Variants in TNXB observed in about 807,000 individuals in gnomAD.
TNXB encodes tenascin-X.
A neutral mutation model predicts 340.5 loss-of-function variants in TNXB; 183 were observed. The observed-to-expected ratio is 0.54, with a 90% CI of 0.48 to 0.61. The LOEUF (loss-of-function observed/expected upper bound fraction) is 0.61. Among genes scored for constraint, TNXB ranks in the 20% least tolerant of loss-of-function variants. The pLI, the probability that TNXB is intolerant of heterozygous loss-of-function variation, is 0.00. For synonymous variants in TNXB, 2,121 were observed against 2,314.5 expected (o/e 0.92, Z 2.40); for missense variants, 4,613 against 5,446.4 (o/e 0.85, Z 4.82).
At chr6:32,098,680 A>G (rs1780557653) in intron 1 of TNXB, among the ~76,000 whole-genome samples, 2 of 152,008 alleles carry the variant, frequency 1.3e-5, no homozygotes, top group African/African-American at 4.8e-5. Context: ...GGGTTTCTCC[A>G]TGTCGGTCAG....
At chr6:32,094,095 CAAAAAAAAAAA>C (rs9281649) in intron 4 of TNXB, among the ~76,000 whole-genome samples, 17 of 28,954 alleles carry the variant, frequency 5.9e-4, no homozygotes, top group South Asian at 4.9e-3. Flanking sequence ...CTCTCTGTCT[CAAAAAAAAAAA>C]AAAAAAAAAA....
chr6:32,055,607 G>A (rs778132150), intron 24 of TNXB, among the ~76,000 whole-genome samples: 4 of 152,230 alleles, frequency 2.6e-5, no homozygotes, highest in South Asian at 4.1e-4. Context: ...TTCCTTTGTC[G>A]TGAAGAACTT....
In TNXB at chr6:32,070,179, A is replaced by G; in HGVS notation, c.5226T>C (p.Tyr1742=). The G allele has an allele frequency of 6.2e-7, 1 of 1,609,520 alleles. No individual in the cohort carries two copies. Residue 1742 remains tyrosine (Y), a synonymous_variant, in exon 14 of 44, where the codon TAT becomes TAC. Coordinates refer to ENST00000644971, the MANE Select transcript of TNXB (RefSeq NM_001365276.2). This position sits in a 1 kb window ranked among gnomAD's most constrained non-coding sequence, Gnocchi z 6.0. ...DAGRKYRFLL[Y]GLLGKKRHGP... Reference sequence around the variant, plus strand: ...CATGGCGCTTCTTGCCCAGGAGGCCATAGAGGAGGAATCTGTACTTGCGGC... The same window carrying G: ...CATGGCGCTTCTTGCCCAGGAGGCCGTAGAGGAGGAATCTGTACTTGCGGC...
chr6:32,106,086 G>A (rs1280030825), intron 1 of TNXB, among the ~76,000 whole-genome samples: 1 of 134,820 alleles, frequency 7.4e-6, no homozygotes, highest in African/African-American at 2.7e-5. Flanking sequence ...AGTGCTCCAA[G>A]TCAGAAGTGT....
Position 32,075,178 on chromosome 6 carries a change from G to A in TNXB, c.4376-1226C>T, listed in dbSNP as rs1779016646. ...ACATTCTCTCAGGTCATCGCCTTCT[G>A]CCCTCACCCCCCTTTAGTCTGTTGG... is the stretch of plus-strand genomic sequence containing the variant. On this transcript the variant is annotated intron_variant, in intron 11 of 43. Transcript: ENST00000644971. This position sits in a 1 kb window ranked among gnomAD's most constrained non-coding sequence, Gnocchi z 4.6. 3.3e-5 allele frequency among the ~76,000 whole-genome samples: 5 copies of A among 152,266 alleles called. No homozygotes were observed. The South Asian group carries it at 1.0e-3, about 32-fold the overall frequency.
At position 32,082,199 on chromosome 6, in the gene TNXB, G is replaced by T. The variant is rs926404527; in HGVS notation, c.3573C>A (p.Val1191=). The T allele has an allele frequency of 4.6e-5, 74 of 1,612,360 alleles. No individual in the cohort carries two copies. Among genetic ancestry groups the T allele is most frequent in the Non-Finnish European group, 6.1e-5 (72 of 1,179,588 alleles). ...GCCGTCCATCCCTGTCCCTGTACTG[G>T]ACCATGAAGGTGTCAAACTGGCCCT... ...VPEGQFDTFM[V]QYRDRDGRPQ... is the part of the protein sequence containing the mutation. The change falls in exon 9 of 44, where the codon GTC becomes GTA. Residue 1191 remains valine, a synonymous_variant. Coordinates refer to ENST00000644971, the MANE Select transcript of TNXB (RefSeq NM_001365276.2). The surrounding 1 kb of genome is among the most constrained non-coding windows in gnomAD (Gnocchi z 5.0).
Position 32,097,666 on chromosome 6 carries a change from T to G in TNXB, c.403+130A>C, listed in dbSNP as rs914402382. The G allele has an allele frequency of 1.7e-6, 2 of 1,204,304 alleles. No individual in the cohort carries two copies. Among genetic ancestry groups the G allele is most frequent in the Non-Finnish European group, 2.3e-6 (2 of 888,264 alleles). 74.6% of individuals were successfully genotyped at this position (1,204,304 alleles called of 1,614,324 possible). A position where few individuals can be genotyped will look rare whatever the true frequency, so the allele number is the denominator to read the frequency against. ...CCCAGCTCTGCTCTCCAAGTTGTGT[T>G]CTGGGCTGCATCCACACCCCTCATG... On this transcript the variant is annotated intron_variant, in intron 2 of 43. Coordinates refer to ENST00000644971, the MANE Select transcript of TNXB (RefSeq NM_001365276.2). The surrounding 1 kb of genome is among the most constrained non-coding windows in gnomAD (Gnocchi z 5.9).
chr6:32,065,152 C>A, intron 18 of TNXB, 35 bp from the exon 19 acceptor site: 1 of 1,501,966 alleles, frequency 6.7e-7, no homozygotes, highest in Non-Finnish European at 8.9e-7. Flanking sequence ...TTTTCTCTTG[C>A]TGCAAGGAGG....
rs1396153989 is a variant in TNXB at position 32,085,876 on chromosome 6, G to A, written c.3022C>T (p.Leu1008=). ...PEGPGAHEEV[L]PGDVRQALVP... ...AGAGCCTGGCGGACGTCCCCTGGCA[G>A]CACTTCCTCATGTGCCCCCGGCCCC... The change falls in exon 7 of 44, where the codon CTG becomes TTG. Residue 1008 remains leucine, a synonymous_variant. Transcript: ENST00000644971. The surrounding 1 kb of genome is among the most constrained non-coding windows in gnomAD (Gnocchi z 6.4). 6.2e-7 allele frequency: 1 copy of A among 1,608,556 alleles called. No individual in the cohort carries two copies. Among genetic ancestry groups the A allele is most frequent in the East Asian group, 2.2e-5 (1 of 44,894 alleles).
chr6:32,074,749 C>T lies in TNXB; in HGVS notation c.4376-797G>A, dbSNP rs1357293194. 1.3e-5 allele frequency among the ~76,000 whole-genome samples: 2 copies of T among 152,148 alleles called. No homozygotes were observed. The highest frequency in any genetic ancestry group is 4.8e-5 in the African/African-American group (2 of 41,422). ...AGGCTGGTGTGCGATGGCGCCCTCT[C>T]GGCTCACCGCAACCTACGCCTCCTG... On this transcript the variant is annotated intron_variant, in intron 11 of 43. Coordinates refer to ENST00000644971, the MANE Select transcript of TNXB (RefSeq NM_001365276.2). The surrounding 1 kb of genome is among the most constrained non-coding windows in gnomAD (Gnocchi z 5.5).
In TNXB at chr6:32,056,698, G is replaced by A. The variant is rs777770266; in HGVS notation, c.8031C>T (p.His2677=). 49 of 1,612,970 alleles carry A rather than the reference G, an allele frequency of 3.0e-5. 1 individual carries two copies. Among genetic ancestry groups the A allele is most frequent in the Middle Eastern group, 3.3e-4 (2 of 6,058 alleles). The part of the protein sequence containing the change: ...GQPKAVRVPG[H]EDGVTISGLE... ...GGCCTGAGATGGTGACCCCGTCCTCGTGCCCCGGCACCCGCACCGCCTTGG... is the reference window on the plus strand; with the variant it reads ...GGCCTGAGATGGTGACCCCGTCCTCATGCCCCGGCACCCGCACCGCCTTGG... Residue 2677 remains histidine, a synonymous_variant, in exon 23 of 44, where the codon CAC becomes CAT. Coordinates refer to ENST00000644971, the MANE Select transcript of TNXB (RefSeq NM_001365276.2).
intron 29 of TNXB, 149 bp from the exon 30 acceptor site, chr6:32,048,161 G>T: frequency 8.5e-7 from 1 of 1,171,880 alleles, no homozygotes; most frequent in Non-Finnish European, 1.2e-6. Context: ...AGACAAGAAA[G>T]CAAGTGTCCC....
intron 18 of TNXB, among the ~76,000 whole-genome samples, 184 bp from the exon 19 acceptor site, chr6:32,065,301 T>A (rs1190902715): frequency 6.6e-6 from 1 of 152,188 alleles, no homozygotes; most frequent in East Asian, 1.9e-4. Context: ...GGCAGCCTCC[T>A]ACCTCAGTAC....
chr6:32,071,744 C>A (rs147644576), intron 13 of TNXB, among the ~76,000 whole-genome samples: 1 of 152,156 alleles, frequency 6.6e-6, no homozygotes, highest in Non-Finnish European at 1.5e-5. Context: ...CATCACCACA[C>A]CCAGCTAATT....
chr6:32,099,360 G>A (rs1190097794), intron 1 of TNXB, among the ~76,000 whole-genome samples: 1 of 151,884 alleles, frequency 6.6e-6, no homozygotes, highest in African/African-American at 2.4e-5. Context: ...GGCCTCCTGA[G>A]TAGCTGGGAT....
Position 32,069,265 on chromosome 6 carries a change from T to G in TNXB, c.5588-129A>C. On this transcript the variant is annotated intron_variant, in intron 15 of 43. Transcript: ENST00000644971. The surrounding 1 kb of genome is among the most constrained non-coding windows in gnomAD (Gnocchi z 6.2). ...TCGAAAGACCAGCTTTTGCTGCACA[T>G]GGGTGAATTTCAAAAGCATTGTGCT... 3 of 942,554 alleles carry G rather than the reference T, an allele frequency of 3.2e-6. No individual in the cohort carries two copies. Among genetic ancestry groups the G allele is most frequent in the Non-Finnish European group, 4.6e-6 (3 of 649,028 alleles). The allele number at this position is 942,554 out of a possible 1,614,324, so 58.4% of individuals were successfully genotyped here. A position where few individuals can be genotyped will look rare whatever the true frequency, so the allele number is the denominator to read the frequency against.
In TNXB at chr6:32,089,357, A is replaced by G; in HGVS notation, c.2381T>C (p.Phe794Ser). 6.2e-7 allele frequency: 1 copy of G among 1,607,766 alleles called. No individual in the cohort carries two copies. The highest frequency in any genetic ancestry group is 1.1e-5 in the South Asian group (1 of 89,624). The part of the protein sequence containing the change: ...IPTTEGASPP[F>S]TARVPSSASA... ...GGCAGAGCTTGGAACCCGTGCTGTG[A>G]ATGGGGGGCTCGCCCCCTCTGTCTG... The change falls in exon 5 of 44, where the codon TTC becomes TCC. Residue 794 changes from phenylalanine (F) to serine (S), a missense_variant. Physicochemically the swap from Phe to Ser is radical, Grantham distance 155 (BLOSUM62 -2). Coordinates refer to ENST00000644971, the MANE Select transcript of TNXB (RefSeq NM_001365276.2). This position sits in a 1 kb window ranked among gnomAD's most constrained non-coding sequence, Gnocchi z 6.2.
chr6:32,075,253 G>A lies in TNXB; in HGVS notation c.4376-1301C>T, dbSNP rs1296877890. On this transcript the variant is annotated intron_variant, in intron 11 of 43. Transcript: ENST00000644971. The surrounding 1 kb of genome is among the most constrained non-coding windows in gnomAD (Gnocchi z 4.6). ...AACACATTAGCCAGAGCTGGTTCCC[G>A]CAGTGGCTTCTACCTCACTCAGGGT... is the stretch of plus-strand genomic sequence containing the variant. 6.6e-6 allele frequency among the ~76,000 whole-genome samples: 1 copy of A among 152,196 alleles called. No homozygotes were observed. The highest frequency in any genetic ancestry group is 2.4e-5 in the African/African-American group (1 of 41,454).
chr6:32,060,074 C>A (rs767475291), intron 21 of TNXB, among the ~76,000 whole-genome samples: 3 of 151,950 alleles, frequency 2.0e-5, no homozygotes, highest in Non-Finnish European at 4.4e-5. Flanking sequence ...GTGGCTCATG[C>A]CTGTAATCCC....
Sources: allele counts gnomAD v4.1 joint callset (sites outside exome capture counted in the v4.1 genomes callset), GRCh38; gene constraint gnomAD v4.1.1; non-coding constraint Gnocchi (gnomAD v3.1); transcripts MANE v1.5; gene names NCBI Gene and HGNC (gene_info 2026-07-23, HGNC 2026-07-21).